The following B4GALT5 variants were observed in gnomAD, a reference collection of about 807,000 sequenced individuals.
The protein encoded by B4GALT5 is beta-1,4-galactosyltransferase 5, also known as UDP-Gal:beta-GlcNAc beta-1,4-galactosyltransferase 5.
In B4GALT5, 11 loss-of-function variants were observed where a neutral mutation model predicts 45.0. That is an observed-to-expected ratio of 0.24 (90% CI 0.15 to 0.40). The LOEUF is 0.40. B4GALT5 is among the 10% of genes least tolerant of loss of function. The pLI, the probability that B4GALT5 is intolerant of heterozygous loss-of-function variation, is 1.00. For missense variants in B4GALT5, 337 were observed against 500.2 expected (o/e 0.67, Z 3.11); for synonymous variants, 185 against 182.9 (o/e 1.01, Z -0.09).
chr20:49,692,520 T>C (rs1242323738), intron 1 of B4GALT5, among the ~76,000 whole-genome samples: 1 of 152,190 alleles, frequency 6.6e-6, no homozygotes, highest in Non-Finnish European at 1.5e-5. Context: ...CACCATATCA[T>C]CATCCAATGC....
At chr20:49,666,550 A>G (rs1024830828) in intron 1 of B4GALT5, among the ~76,000 whole-genome samples, 4 of 152,222 alleles carry the variant, frequency 2.6e-5, no homozygotes, top group Non-Finnish European at 4.4e-5. Context: ...TTTGGCATAA[A>G]GAACAGGGAA....
intron 1 of B4GALT5, among the ~76,000 whole-genome samples, chr20:49,672,308 A>G (rs2085719328): frequency 6.6e-6 from 1 of 152,246 alleles, no homozygotes; most frequent in African/African-American, 2.4e-5. Context: ...CAAACTGTCA[A>G]ACATAGGAAA....
In B4GALT5 at chr20:49,713,656, C is replaced by T. The variant is rs757831964; in HGVS notation, c.35G>A (p.Arg12His). ...RARRGLLRLPRRSLLAALFFF... is the reference protein window; with the variant it reads ...RARRGLLRLPHRSLLAALFFF... The stretch of plus-strand genomic sequence containing the variant: ...GAAGAGCGCGGCGAGCAGCGAGCGG[C>T]GCGGCAGCCGCAGCAGCCCCCGGCG... The change falls in exon 1 of 9, where the codon CGC becomes CAC. Residue 12 changes from arginine (R) to histidine (H), a missense_variant. Transcript: ENST00000371711. 7.1e-6 allele frequency: 11 copies of T among 1,560,082 alleles called. No individual in the cohort carries two copies. Among genetic ancestry groups the T allele is most frequent in the Middle Eastern group, 1.7e-4 (1 of 5,846 alleles).
chr20:49,674,081 C>CAAAAAAAAAAAAAAAAAAA, intron 1 of B4GALT5, among the ~76,000 whole-genome samples: 1 of 94,536 alleles, frequency 1.1e-5, no homozygotes, highest in Non-Finnish European at 2.2e-5. Context: ...ATTAAAAATA[C>CAAAAAAAAAAAAAAAAAAA]AAAAAAAAAA....
At chr20:49,641,925 T>C (rs2085578638) in intron 5 of B4GALT5, among the ~76,000 whole-genome samples, 1 of 151,568 alleles carries the variant, frequency 6.6e-6, no homozygotes, top group Admixed American at 6.6e-5. Flanking sequence ...AAATAAAATA[T>C]ATGCAGGACC....
chr20:49,697,591 T>TA (rs961034757), intron 1 of B4GALT5, among the ~76,000 whole-genome samples: 5 of 146,332 alleles, frequency 3.4e-5, no homozygotes, highest in Non-Finnish European at 7.5e-5. Flanking sequence ...TTTTTTTTTT[T>TA]AACAGAAAAA....
intron 1 of B4GALT5, among the ~76,000 whole-genome samples, chr20:49,687,085 C>G (rs961778305): frequency 3.3e-5 from 5 of 152,062 alleles, no homozygotes; most frequent in African/African-American, 1.2e-4. Context: ...TTGGCAGTAT[C>G]TGGGGGCATT....
intron 2 of B4GALT5, among the ~76,000 whole-genome samples, chr20:49,651,740 A>G (rs2085623723): frequency 6.6e-6 from 1 of 152,252 alleles, no homozygotes; most frequent in Non-Finnish European, 1.5e-5. Context: ...CCAGTGGTTC[A>G]GCAGCCTTGG....
intron 3 of B4GALT5, among the ~76,000 whole-genome samples, chr20:49,646,290 C>A (rs989707148): frequency 6.6e-5 from 10 of 152,152 alleles, no homozygotes; most frequent in African/African-American, 2.2e-4. Flanking sequence ...TACAGTAGTG[C>A]AGAGTCATGT....
chr20:49,690,562 G>GC (rs2085806409), intron 1 of B4GALT5, among the ~76,000 whole-genome samples: 1 of 151,280 alleles, frequency 6.6e-6, no homozygotes, highest in East Asian at 1.9e-4. Context: ...AAAAAAAAAG[G>GC]GGGGGGTGAC....
At chr20:49,678,999 A>T (rs1000508564) in intron 1 of B4GALT5, among the ~76,000 whole-genome samples, 1 of 152,054 alleles carries the variant, frequency 6.6e-6, no homozygotes, top group African/African-American at 2.4e-5. Context: ...TTACATTAAA[A>T]GGGGCTGGGG....
chr20:49,688,448 G>C (rs1235165723), intron 1 of B4GALT5, among the ~76,000 whole-genome samples: 1 of 152,196 alleles, frequency 6.6e-6, no homozygotes, highest in East Asian at 1.9e-4. Flanking sequence ...ACCAAAAAGA[G>C]ATGGAGCCTG....
chr20:49,689,917 G>A (rs2038217), intron 1 of B4GALT5, among the ~76,000 whole-genome samples: 76,878 of 151,812 alleles, frequency 0.51, 19,753 homozygotes, highest in South Asian at 0.65. Flanking sequence ...GTCTCGCTAC[G>A]TTGCCCAGGC....
intron 1 of B4GALT5, among the ~76,000 whole-genome samples, chr20:49,687,233 C>T (rs1297666976): frequency 2.0e-5 from 3 of 152,244 alleles, no homozygotes; most frequent in African/African-American, 7.2e-5. Context: ...GGTTGAGAAA[C>T]TCTGCCTTAG....
At chr20:49,678,439 A>G (rs1048075661) in intron 1 of B4GALT5, among the ~76,000 whole-genome samples, 1 of 152,240 alleles carries the variant, frequency 6.6e-6, no homozygotes, top group Admixed American at 6.5e-5. Flanking sequence ...CACTGTTCCA[A>G]GAATGAAGAT....
intron 1 of B4GALT5, among the ~76,000 whole-genome samples, chr20:49,694,085 T>A (rs1158270600): frequency 6.6e-6 from 1 of 152,228 alleles, no homozygotes; most frequent in African/African-American, 2.4e-5. Flanking sequence ...TAAGCCACTC[T>A]TCCTTGAAAA....
chr20:49,681,715 C>T (rs1366683063), intron 1 of B4GALT5, among the ~76,000 whole-genome samples: 1 of 152,238 alleles, frequency 6.6e-6, no homozygotes, highest in Non-Finnish European at 1.5e-5. Context: ...CCCTTTTACC[C>T]TCATTCCTTG....
intron 2 of B4GALT5, among the ~76,000 whole-genome samples, chr20:49,649,044 A>T (rs1042818379): frequency 1.3e-5 from 2 of 152,258 alleles, no homozygotes; most frequent in Non-Finnish European, 2.9e-5. Context: ...CACTATGAGC[A>T]GGTTTCCAAG....
intron 1 of B4GALT5, among the ~76,000 whole-genome samples, chr20:49,713,250 G>C (rs893416142): frequency 1.3e-5 from 2 of 151,620 alleles, no homozygotes; most frequent in African/African-American, 4.8e-5. Flanking sequence ...AGAGGAGCGG[G>C]AAGTGGGAGT....
Sources: allele counts gnomAD v4.1 joint callset (sites outside exome capture counted in the v4.1 genomes callset), GRCh38; gene constraint gnomAD v4.1.1; transcripts MANE v1.5; gene names NCBI Gene and HGNC (gene_info 2026-07-23, HGNC 2026-07-21).